ITFG1: variants seen among roughly 807,000 people sequenced by gnomAD.
The protein encoded by ITFG1 is integrin alpha FG-GAP repeat containing 1.
In ITFG1, 34 loss-of-function variants were observed where a neutral mutation model predicts 81.8. That is an observed-to-expected ratio of 0.42 (90% CI 0.32 to 0.55). The LOEUF (loss-of-function observed/expected upper bound fraction) is 0.55, where lower values mean the gene tolerates loss of function less well. Ranked by LOEUF, ITFG1 falls within the 20% of genes least tolerant of loss-of-function variation. ITFG1 has a pLI of 0.17. For missense variants in ITFG1, 672 were observed against 755.4 expected (o/e 0.89, Z 1.29); for synonymous variants, 285 against 270.6 (o/e 1.05, Z -0.52).
chr16:47,455,525 GGTGGA>G (rs1320877703), intron 2 of ITFG1, among the ~76,000 whole-genome samples: 6 of 152,116 alleles, frequency 3.9e-5, no homozygotes, highest in Non-Finnish European at 5.9e-5. Context: ...CACTTTGGGA[GGTGGA>G]GGTGGAGGTG....
chr16:47,206,164 C>G (rs928330289), intron 14 of ITFG1, among the ~76,000 whole-genome samples: 51 of 152,210 alleles, frequency 3.4e-4, no homozygotes, highest in African/African-American at 1.0e-3. Context: ...CCACGCCTGG[C>G]CAGGCATTAA....
chr16:47,255,576 A>G (rs1966130093), intron 12 of ITFG1, among the ~76,000 whole-genome samples: 2 of 152,200 alleles, frequency 1.3e-5, no homozygotes, highest in East Asian at 1.9e-4. Context: ...CAGAGGCATC[A>G]AGTGTTGCTT....
chr16:47,192,171 G>A lies in ITFG1; in HGVS notation c.1453+26697C>T, dbSNP rs370942076. On this transcript the variant is annotated intron_variant, in intron 14 of 17. Transcript: ENST00000320640. ...TACTTGCTTTATCCATTCAGAGTGT[G>A]TGGCTTTTGTTTGTTTTGCCTTTTA... 6.6e-5 allele frequency among the ~76,000 whole-genome samples: 10 copies of A among 152,296 alleles called. No homozygotes were observed. In the East Asian group the frequency reaches 1.7e-3, roughly 26 times the overall value.
chr16:47,304,658 T>C (rs746775609), intron 10 of ITFG1, among the ~76,000 whole-genome samples: 1 of 152,206 alleles, frequency 6.6e-6, no homozygotes, highest in Non-Finnish European at 1.5e-5. Flanking sequence ...AAGACAGGCC[T>C]GAATCTAAGT....
At chr16:47,182,984 T>G (rs1965151129) in intron 14 of ITFG1, among the ~76,000 whole-genome samples, 1 of 152,116 alleles carries the variant, frequency 6.6e-6, no homozygotes, top group Admixed American at 6.5e-5. Context: ...GGAGTTCCCT[T>G]TCCTAGTCAA....
chr16:47,180,355 C>T (rs996093712), intron 14 of ITFG1, among the ~76,000 whole-genome samples: 4 of 151,704 alleles, frequency 2.6e-5, no homozygotes, highest in Non-Finnish European at 4.4e-5. Flanking sequence ...TATTATTGCC[C>T]TCTCCCTCTC....
chr16:47,423,914 G>A (rs1189511165), intron 6 of ITFG1, among the ~76,000 whole-genome samples: 16 of 152,158 alleles, frequency 1.1e-4, no homozygotes, highest in Admixed American at 1.0e-3. Context: ...TCTTGGGGTT[G>A]CTCTTCTCAA....
At chr16:47,250,072 C>T (rs1318778944) in intron 12 of ITFG1, among the ~76,000 whole-genome samples, 1 of 152,134 alleles carries the variant, frequency 6.6e-6, no homozygotes, top group African/African-American at 2.4e-5. Flanking sequence ...CATATGAACA[C>T]AAAAACATTA....
At chr16:47,196,456 A>C (rs1372467075) in intron 14 of ITFG1, 1 of 152,196 alleles carries the variant, frequency 6.6e-6, no homozygotes, top group African/African-American at 2.4e-5. Context: ...GGGGGGAAGC[A>C]TTCTAAAATT....
In ITFG1 at chr16:47,324,285, C is replaced by T. The variant is rs561163148; in HGVS notation, c.803-10462G>A. Among the ~76,000 whole-genome samples, 350 of 151,824 alleles carry T rather than the reference C, an allele frequency of 2.3e-3. 3 individuals carry two copies. The highest frequency in any genetic ancestry group is 2.4e-3 in the Non-Finnish European group (166 of 67,972). On this transcript the variant is annotated intron_variant, in intron 8 of 17. Transcript: ENST00000320640. ...AAAATACTTTCCAGACAAGCAAATG[C>T]TGAGAGATTTTGTCACCACCAGGCC...
At chr16:47,179,739 T>C (rs1336504816) in intron 14 of ITFG1, among the ~76,000 whole-genome samples, 1 of 152,196 alleles carries the variant, frequency 6.6e-6, no homozygotes, top group Non-Finnish European at 1.5e-5. Context: ...ATCTCTAGAA[T>C]GTGGCTCCAG....
At chr16:47,431,528 C>T (rs1038119438) in intron 5 of ITFG1, among the ~76,000 whole-genome samples, 1 of 152,134 alleles carries the variant, frequency 6.6e-6, no homozygotes, top group Non-Finnish European at 1.5e-5. Flanking sequence ...GTCCCTGTTG[C>T]CAAAAAGGTT....
At position 47,183,971 on chromosome 16, in the gene ITFG1, C is replaced by T. The variant is rs367999997; in HGVS notation, c.1454-21307G>A. Among the ~76,000 whole-genome samples, 11 of 152,004 alleles carry T rather than the reference C, an allele frequency of 7.2e-5. No homozygotes were observed. In the East Asian group the frequency reaches 1.2e-3, roughly 16 times the overall value. On this transcript the variant is annotated intron_variant, in intron 14 of 17. Coordinates refer to ENST00000320640, the MANE Select transcript of ITFG1 (RefSeq NM_030790.5). The stretch of plus-strand genomic sequence containing the variant: ...GCTGATGGAGCTGAAAACCAAGGCT[C>T]GAGAACTAGGTGAAGAATGCAGAAG...
chr16:47,173,948 G>A (rs1269517452), intron 14 of ITFG1, among the ~76,000 whole-genome samples: 1 of 152,184 alleles, frequency 6.6e-6, no homozygotes, highest in Non-Finnish European at 1.5e-5. Context: ...GCTGAGGCAG[G>A]AGAATCACTT....
At chr16:47,333,767 C>T (rs556824392) in intron 8 of ITFG1, among the ~76,000 whole-genome samples, 8 of 152,266 alleles carry the variant, frequency 5.3e-5, no homozygotes, top group African/African-American at 1.2e-4. Context: ...AGACCCGTTT[C>T]GTGCTTTAAG....
At chr16:47,307,106 A>AAG (rs1967177792) in intron 10 of ITFG1, among the ~76,000 whole-genome samples, 1 of 145,762 alleles carries the variant, frequency 6.9e-6, no homozygotes, top group Non-Finnish European at 1.5e-5. Flanking sequence ...AAAAAAAAAA[A>AAG]AAAAAAAAAA....
chr16:47,286,653 A>G (rs898421084), intron 10 of ITFG1, among the ~76,000 whole-genome samples: 1 of 152,082 alleles, frequency 6.6e-6, no homozygotes, highest in African/African-American at 2.4e-5. Context: ...AAAAAAAAAA[A>G]GATAATTGCC....
chr16:47,411,527 G>C (rs1409836168), intron 6 of ITFG1, among the ~76,000 whole-genome samples: 1 of 152,094 alleles, frequency 6.6e-6, no homozygotes, highest in African/African-American at 2.4e-5. Flanking sequence ...CCTGCCCAGA[G>C]GTCCCCTGCC....
intron 8 of ITFG1, among the ~76,000 whole-genome samples, chr16:47,327,201 C>A (rs1233859385): frequency 1.3e-5 from 2 of 152,214 alleles, no homozygotes; most frequent in East Asian, 1.9e-4. Flanking sequence ...CTTTGACAAA[C>A]CTGACAAAAA....
Sources: allele counts gnomAD v4.1 joint callset (sites outside exome capture counted in the v4.1 genomes callset), GRCh38; gene constraint gnomAD v4.1.1; transcripts MANE v1.5; gene names NCBI Gene and HGNC (gene_info 2026-07-23, HGNC 2026-07-21).